Variants in IGSF11 observed in about 807,000 individuals in gnomAD.
The protein encoded by IGSF11 is CXADR like 1.
Under a neutral mutation model 41.0 loss-of-function variants are expected in IGSF11, and 22 were observed. The observed-to-expected ratio is 0.54, with a 90% CI of 0.38 to 0.77. The LOEUF is 0.77. Ranked by LOEUF, IGSF11 falls within the 30% of genes least tolerant of loss-of-function variation. IGSF11 has a pLI of 0.00. For synonymous variants in IGSF11, 219 were observed against 201.3 expected (o/e 1.09, Z -0.74); for missense variants, 444 against 530.8 (o/e 0.84, Z 1.61).
At chr3:119,021,412 T>C (rs1459412935) in intron 1 of IGSF11, among the ~76,000 whole-genome samples, 1 of 152,140 alleles carries the variant, frequency 6.6e-6, no homozygotes, top group African/African-American at 2.4e-5. Flanking sequence ...ATAATGCTTA[T>C]ATAGCATTCA....
chr3:119,107,734 G>C (rs1405715933), upstream of IGSF11, among the ~76,000 whole-genome samples: 1 of 152,184 alleles, frequency 6.6e-6, no homozygotes, highest in Non-Finnish European at 1.5e-5. Context: ...TAACATTTAA[G>C]TCTTTAATCC....
chr3:119,087,490 G>A (rs2076695910), intron 1 of IGSF11, among the ~76,000 whole-genome samples: 1 of 151,926 alleles, frequency 6.6e-6, no homozygotes, highest in South Asian at 2.1e-4. Flanking sequence ...GGATGGAATT[G>A]GAGACGATTA....
At chr3:118,990,566 A>G (rs1358247495) in intron 1 of IGSF11, among the ~76,000 whole-genome samples, 1 of 152,218 alleles carries the variant, frequency 6.6e-6, no homozygotes, top group African/African-American at 2.4e-5. Flanking sequence ...GGTTTTAATA[A>G]TCTTACATAG....
rs1273552025 is a variant in IGSF11, at chr3:118,933,721, A to G, written c.53-3446T>C. Among the ~76,000 whole-genome samples, 6 of 152,154 alleles carry G rather than the reference A, an allele frequency of 3.9e-5. No individual in the cohort carries two copies. The East Asian group carries it at 5.8e-4, about 15-fold the overall frequency. ...ACTCAACACACAGAAATCATTCCATATGTGTTTGCTGTTATTATTATCACT... is the reference window on the plus strand; with the variant it reads ...ACTCAACACACAGAAATCATTCCATGTGTGTTTGCTGTTATTATTATCACT... On this transcript the variant is annotated intron_variant, in intron 1 of 6. Coordinates refer to ENST00000393775, the MANE Select transcript of IGSF11 (RefSeq NM_001015887.3).
intron 1 of IGSF11, among the ~76,000 whole-genome samples, chr3:118,967,053 A>T (rs1344743828): frequency 2.0e-5 from 3 of 152,182 alleles, no homozygotes; most frequent in African/African-American, 7.2e-5. Flanking sequence ...CAGAATTTTG[A>T]AGGAGGGCTC....
intron 1 of IGSF11, among the ~76,000 whole-genome samples, chr3:119,138,158 C>A (rs1374853974): frequency 1.2e-3 from 154 of 133,832 alleles, no homozygotes; most frequent in Non-Finnish European, 1.1e-3. Context: ...GGTTCCTCAA[C>A]AAAAAAAAAA....
chr3:119,026,448 A>T (rs1490999050), intron 1 of IGSF11, among the ~76,000 whole-genome samples: 1 of 152,202 alleles, frequency 6.6e-6, no homozygotes, highest in Non-Finnish European at 1.5e-5. Context: ...TTTCTTACTA[A>T]CAGTAGAGTT....
intron 1 of IGSF11, among the ~76,000 whole-genome samples, chr3:118,970,836 A>G (rs1933321691): frequency 6.6e-6 from 1 of 152,084 alleles, no homozygotes; most frequent in Non-Finnish European, 1.5e-5. Flanking sequence ...CCACTTCTCT[A>G]TTAAATAGTC....
At chr3:119,140,923 A>C (rs2077638347) in intron 1 of IGSF11, among the ~76,000 whole-genome samples, 1 of 151,674 alleles carries the variant, frequency 6.6e-6, no homozygotes, top group African/African-American at 2.4e-5. Context: ...ACATGCCTGT[A>C]ATTCCAGCTA....
intron 1 of IGSF11, among the ~76,000 whole-genome samples, chr3:119,014,120 C>A (rs886860793): frequency 6.6e-6 from 1 of 152,134 alleles, no homozygotes; most frequent in Non-Finnish European, 1.5e-5. Context: ...GCTACACCAC[C>A]CCCTCGGGTA....
chr3:118,932,056 C>T (rs1942906037), intron 1 of IGSF11, among the ~76,000 whole-genome samples: 1 of 152,134 alleles, frequency 6.6e-6, no homozygotes, highest in African/African-American at 2.4e-5. Flanking sequence ...TTTTATACTT[C>T]AAAGGAGTAA....
chr3:118,996,753 C>T (rs1401093599), intron 1 of IGSF11, among the ~76,000 whole-genome samples: 1 of 152,132 alleles, frequency 6.6e-6, no homozygotes, highest in South Asian at 2.1e-4. Flanking sequence ...GTGCTTGCCA[C>T]AATGCCTGGC....
chr3:119,070,288 AC>A (rs1293338600), intron 1 of IGSF11, among the ~76,000 whole-genome samples: 2 of 152,246 alleles, frequency 1.3e-5, no homozygotes, highest in Non-Finnish European at 2.9e-5. Flanking sequence ...AGGGCTTACC[AC>A]TTTTCCTGGG....
chr3:119,122,285 T>A (rs1185845810), intron 1 of IGSF11, among the ~76,000 whole-genome samples: 1 of 152,178 alleles, frequency 6.6e-6, no homozygotes, highest in Non-Finnish European at 1.5e-5. Context: ...TTGAACTCAG[T>A]GCTGCCCTCT....
chr3:118,941,671 G>A (rs1280050960), intron 1 of IGSF11, among the ~76,000 whole-genome samples: 1 of 152,082 alleles, frequency 6.6e-6, no homozygotes, highest in Non-Finnish European at 1.5e-5. Flanking sequence ...ATATGCAAAT[G>A]TTCACTGCAT....
chr3:119,017,132 G>A (rs554207254), intron 1 of IGSF11, among the ~76,000 whole-genome samples: 1 of 150,616 alleles, frequency 6.6e-6, no homozygotes, highest in African/African-American at 2.4e-5. Flanking sequence ...TATTTTCCAA[G>A]CCCAGAAAAA....
chr3:119,001,605 A>G (rs1396919978), intron 1 of IGSF11, among the ~76,000 whole-genome samples: 3 of 127,400 alleles, frequency 2.4e-5, no homozygotes, highest in Admixed American at 1.5e-4. Flanking sequence ...ATATCTCCCA[A>G]TGCTATCCCT....
At chr3:119,131,932 T>C (rs1467085205) in intron 1 of IGSF11, among the ~76,000 whole-genome samples, 1 of 152,140 alleles carries the variant, frequency 6.6e-6, no homozygotes, top group Non-Finnish European at 1.5e-5. Context: ...CAACCCAGAA[T>C]TTCATATCCA....
intron 1 of IGSF11, among the ~76,000 whole-genome samples, chr3:119,082,012 T>C (rs146119611): frequency 4.6e-5 from 7 of 152,282 alleles, no homozygotes; most frequent in African/African-American, 1.7e-4. Flanking sequence ...CCTGACCTTC[T>C]AATCCCTCCT....
Sources: allele counts gnomAD v4.1 joint callset (sites outside exome capture counted in the v4.1 genomes callset), GRCh38; gene constraint gnomAD v4.1.1; transcripts MANE v1.5; gene names NCBI Gene and HGNC (gene_info 2026-07-23, HGNC 2026-07-21).